Variants in PHF14 observed in about 807,000 individuals in gnomAD.
The protein encoded by PHF14 is PHD finger protein 14.
In PHF14, 55 loss-of-function variants were observed where a neutral mutation model predicts 117.9. The observed-to-expected ratio is 0.47, with a 90% CI of 0.38 to 0.58. The LOEUF (loss-of-function observed/expected upper bound fraction) is 0.58. PHF14 is among the 20% of genes least tolerant of loss of function. The pLI, the probability that PHF14 is intolerant of heterozygous loss-of-function variation, is 0.00. For missense variants in PHF14, 978 were observed against 1,122.2 expected (o/e 0.87, Z 1.84); for synonymous variants, 409 against 368.6 (o/e 1.11, Z -1.26).
chr7:11,145,815 T>G (rs1788534931), intron 17 of PHF14, among the ~76,000 whole-genome samples: 1 of 152,178 alleles, frequency 6.6e-6, no homozygotes, highest in Non-Finnish European at 1.5e-5. Flanking sequence ...GCCTAAACCT[T>G]TTAATTTTTT....
intron 17 of PHF14, among the ~76,000 whole-genome samples, chr7:11,128,722 T>A (rs1244593326): frequency 6.6e-6 from 1 of 150,388 alleles, no homozygotes; most frequent in East Asian, 2.0e-4. Context: ...ACTGCTTTCC[T>A]CCCGTTCTCC....
chr7:11,136,650 C>G (rs893158331), intron 17 of PHF14, among the ~76,000 whole-genome samples: 4 of 152,056 alleles, frequency 2.6e-5, no homozygotes, highest in Non-Finnish European at 5.9e-5. Flanking sequence ...ATTTGTAATT[C>G]TTAATCATGT....
chr7:11,013,360 C>T (rs1442277215), intron 4 of PHF14, among the ~76,000 whole-genome samples: 1 of 152,046 alleles, frequency 6.6e-6, no homozygotes, highest in Admixed American at 6.6e-5. Context: ...TGAGGTTTCA[C>T]CGTGTTGGCC....
rs1037242441 is a variant in PHF14, at chr7:11,063,215, A to T, written c.2654+1130A>T. Reference sequence around the variant, plus strand: ...TAAGAAAGTTTATAATAATTGGCTAATTTTTTTGAGGTAGTTCATGTAGAG... The same window carrying T: ...TAAGAAAGTTTATAATAATTGGCTATTTTTTTTGAGGTAGTTCATGTAGAG... On this transcript the variant is annotated intron_variant, in intron 16 of 17. Coordinates refer to ENST00000634607, the MANE Select transcript of PHF14 (RefSeq NM_001007157.2). 4 of 983,910 alleles carry T rather than the reference A, an allele frequency of 4.1e-6. No individual in the cohort carries two copies. In the East Asian group the frequency reaches 4.5e-4, roughly 112 times the overall value. The allele number at this position is 983,910 out of a possible 1,614,324, so 60.9% of individuals were successfully genotyped here. A position where few individuals can be genotyped will look rare whatever the true frequency, so the allele number is the denominator to read the frequency against.
At chr7:11,063,929 A>G (rs1228659075) in intron 16 of PHF14, among the ~76,000 whole-genome samples, 1 of 151,928 alleles carries the variant, frequency 6.6e-6, no homozygotes, top group East Asian at 1.9e-4. Flanking sequence ...TCTGGAAGGT[A>G]AAGATATTTT....
intron 7 of PHF14, among the ~76,000 whole-genome samples, chr7:11,030,616 G>A (rs148566605): frequency 2.8e-3 from 422 of 152,248 alleles, no homozygotes; most frequent in African/African-American, 9.7e-3. Flanking sequence ...TGTGGTCTGT[G>A]TATCTTACCT....
In PHF14 at chr7:11,003,427, G is replaced by A. The variant is rs75890304; in HGVS notation, c.1046-10320G>A. 7.9e-3 allele frequency among the ~76,000 whole-genome samples: 1,196 copies of A among 152,024 alleles called. 15 individuals are homozygous for A. The highest frequency in any genetic ancestry group is 0.011 in the Non-Finnish European group (781 of 67,978). Reference sequence around the variant, plus strand: ...CATAGGTGTTAAGCCAGTGTTTACCGTTTGTCTTCCTGTTATTTGGAGATT... The same window carrying A: ...CATAGGTGTTAAGCCAGTGTTTACCATTTGTCTTCCTGTTATTTGGAGATT... On this transcript the variant is annotated intron_variant, in intron 4 of 17. Transcript: ENST00000634607.
intron 3 of PHF14, among the ~76,000 whole-genome samples, chr7:10,983,535 T>C (rs1268249890): frequency 6.6e-6 from 1 of 152,186 alleles, no homozygotes; most frequent in Non-Finnish European, 1.5e-5. Context: ...TTCTTTCAAC[T>C]TAGTTGTGTC....
At position 11,122,352 on chromosome 7, in the gene PHF14, T is replaced by TACACACAC. The variant is rs747467173; in HGVS notation, c.2772+10911_2772+10918dup. 2.7e-3 allele frequency among the ~76,000 whole-genome samples: 178 copies of TACACACAC among 65,462 alleles called. 1 individual carries two copies. The highest frequency in any genetic ancestry group is 0.011 in the East Asian group (19 of 1,690). The allele number at this position is 65,462 out of a possible 152,430, so 42.9% of individuals were successfully genotyped here. A position where few individuals can be genotyped will look rare whatever the true frequency, so the allele number is the denominator to read the frequency against. On this transcript the variant is annotated intron_variant, in intron 17 of 17. Transcript: ENST00000634607. ...CTTTTTATATATATATATATATATA[T>TACACACAC]ACACACACACACACACACACACACA...
chr7:11,017,154 T>G (rs547477823), intron 5 of PHF14, among the ~76,000 whole-genome samples: 11 of 152,274 alleles, frequency 7.2e-5, no homozygotes, highest in Admixed American at 2.6e-4. Flanking sequence ...CGTCTGTTGG[T>G]GGAAACTTAG....
chr7:10,989,998 A>C (rs2110377), intron 3 of PHF14, among the ~76,000 whole-genome samples: 22,542 of 152,120 alleles, frequency 0.15, 2,659 homozygotes, highest in African/African-American at 0.33. Context: ...TTCTTGATAG[A>C]GACCTACTTA....
At chr7:11,162,743 C>T (rs952067370) in intron 17 of PHF14, among the ~76,000 whole-genome samples, 2 of 150,648 alleles carry the variant, frequency 1.3e-5, no homozygotes, top group Non-Finnish European at 3.0e-5. Context: ...GTCTTGTCGC[C>T]CAGGCTGGAG....
chr7:11,129,115 G>T (rs1213891637), intron 17 of PHF14, among the ~76,000 whole-genome samples: 1 of 151,974 alleles, frequency 6.6e-6, no homozygotes, highest in Admixed American at 6.6e-5. Context: ...ATTGTTCCTG[G>T]TAGTTCTCCA....
rs1554299508 is a variant in PHF14, at chr7:10,988,016, C to CCAAA, written c.901-2687_901-2686insCAAA. On this transcript the variant is annotated intron_variant, in intron 3 of 17. Transcript: ENST00000634607. ...GGGCAACAAGAGCGAAACTCCTTCT[C>CCAAA]AAAAAAAAAAAAAAAAGAAAAAGAA... Among the ~76,000 whole-genome samples, 515 of 115,596 alleles carry CCAAA rather than the reference C, an allele frequency of 4.5e-3. 6 individuals carry two copies. The highest frequency in any genetic ancestry group is 0.015 in the African/African-American group (459 of 31,526). The allele number at this position is 115,596 out of a possible 152,430, so 75.8% of individuals were successfully genotyped here.
At chr7:11,009,458 G>T (rs1019128895) in intron 4 of PHF14, among the ~76,000 whole-genome samples, 2 of 152,026 alleles carry the variant, frequency 1.3e-5, no homozygotes, top group African/African-American at 4.8e-5. Flanking sequence ...CATGTCTTCT[G>T]TGTTACCCAT....
At chr7:11,062,650 A>G (rs1328637637) in intron 16 of PHF14, 2 of 970,330 alleles carry the variant, frequency 2.1e-6, no homozygotes, top group Non-Finnish European at 2.4e-6. Flanking sequence ...TCGTTTTGGT[A>G]CTTTATTTTT....
At chr7:11,038,522 G>A (rs568988771) in intron 10 of PHF14, among the ~76,000 whole-genome samples, 17 of 151,708 alleles carry the variant, frequency 1.1e-4, no homozygotes, top group African/African-American at 4.1e-4. Flanking sequence ...GCTGGATGTG[G>A]TGGTGCACAC....
At chr7:10,980,584 G>A (rs1307535401) in intron 2 of PHF14, among the ~76,000 whole-genome samples, 1 of 151,980 alleles carries the variant, frequency 6.6e-6, no homozygotes, top group Non-Finnish European at 1.5e-5. Context: ...GTAATATTGG[G>A]TCCACACTCT....
chr7:11,046,505 C>G (rs1043633313), intron 13 of PHF14, among the ~76,000 whole-genome samples: 2 of 151,886 alleles, frequency 1.3e-5, no homozygotes, highest in African/African-American at 2.4e-5. Context: ...AGGGTTTTTT[C>G]CTTTGTTTTT....
Sources: gnomAD v4.1 joint callset for allele counts (sites outside exome capture counted in the v4.1 genomes callset) on GRCh38, gnomAD v4.1.1 for gene constraint, MANE v1.5 for transcripts, NCBI Gene and HGNC (gene_info 2026-07-23, HGNC 2026-07-21) for gene names.